The following PARP4 variants were observed in gnomAD, a reference collection of about 807,000 sequenced individuals.
PARP4 encodes protein mono-ADP-ribosyltransferase PARP4.
In PARP4, 120 loss-of-function variants were observed where a neutral mutation model predicts 187.7. That is an observed-to-expected ratio of 0.64 (90% CI 0.55 to 0.74). The LOEUF (loss-of-function observed/expected upper bound fraction) is 0.74. PARP4 is among the 30% of genes least tolerant of loss of function. The probability of loss-of-function intolerance (pLI) is 0.00; values close to 1 mark genes in which losing one functional copy is unlikely to be tolerated. For synonymous variants in PARP4, 654 were observed against 740.9 expected (o/e 0.88, Z 1.90); for missense variants, 1,836 against 2,070.5 (o/e 0.89, Z 2.20).
intron 15 of PARP4, 144 bp downstream of exon 15, chr13:24,475,328 C>T (rs1166096700): frequency 6.7e-6 from 5 of 751,304 alleles, no homozygotes; most frequent in Admixed American, 2.5e-5. Context: ...TAGTCCCTGG[C>T]ATGGAGTGCT....
chr13:24,425,569 G>GTGTGTATATCTATATC (rs1491353761), intron 33 of PARP4, among the ~76,000 whole-genome samples: 2 of 136,732 alleles, frequency 1.5e-5, no homozygotes, highest in Non-Finnish European at 3.1e-5. Flanking sequence ...GTGTGTGTGT[G>GTGTGTATATCTATATC]TATATCTATA....
intron 15 of PARP4, 40 bp from the exon 16 acceptor site, chr13:24,470,065 A>C: frequency 1.3e-6 from 2 of 1,564,752 alleles, no homozygotes; most frequent in Non-Finnish European, 8.7e-7. Context: ...ATGAGACCAC[A>C]TGGACTACAT....
At position 24,443,671 on chromosome 13, in the gene PARP4, G is replaced by A. The variant is rs200963545; in HGVS notation, c.3426C>T (p.His1142=). 2.5e-6 allele frequency: 4 copies of A among 1,611,268 alleles called. No homozygotes were observed. Among genetic ancestry groups the A allele is most frequent in the Non-Finnish European group, 3.4e-6 (4 of 1,177,494 alleles). The change falls in exon 28 of 34, where the codon CAC becomes CAT. Residue 1142 remains histidine (H), a synonymous_variant. Coordinates refer to ENST00000381989, the MANE Select transcript of PARP4 (RefSeq NM_006437.4). ...LIRDYEDGIL[H]ENETSHEMKK... ...AAACCTCATGACTGGTTTCATTTTC[G>A]TGAAGAATGCCATCTTCATAATCTC...
At chr13:24,463,825 G>T (rs1002469116) in intron 17 of PARP4, among the ~76,000 whole-genome samples, 1 of 152,208 alleles carries the variant, frequency 6.6e-6, no homozygotes, top group Middle Eastern at 3.4e-3. Context: ...AGAAATAAAG[G>T]TTATTTGAAT....
At chr13:24,457,921 G>C (rs575351290) in intron 20 of PARP4, among the ~76,000 whole-genome samples, 1 of 151,968 alleles carries the variant, frequency 6.6e-6, no homozygotes, top group East Asian at 1.9e-4. Context: ...ATACTGTTAT[G>C]AAATTTCAGA....
intron 3 of PARP4, among the ~76,000 whole-genome samples, chr13:24,501,030 G>C (rs1308618177): frequency 6.6e-6 from 1 of 152,122 alleles, no homozygotes; most frequent in Admixed American, 6.5e-5. Flanking sequence ...ACATGTGCTG[G>C]GACTGCAGCA....
At chr13:24,432,112 C>T (rs564019123) in intron 31 of PARP4, among the ~76,000 whole-genome samples, 4 of 152,252 alleles carry the variant, frequency 2.6e-5, no homozygotes, top group African/African-American at 4.8e-5. Flanking sequence ...TGTATTTTGA[C>T]ATACGCATGA....
chr13:24,468,491 G>GC (rs1167136683), intron 17 of PARP4, among the ~76,000 whole-genome samples: 3 of 140,572 alleles, frequency 2.1e-5, no homozygotes, highest in African/African-American at 8.1e-5. Context: ...TGCAACCTCT[G>GC]CCCCCCAGGT....
intron 32 of PARP4, among the ~76,000 whole-genome samples, chr13:24,429,144 T>C (rs1168665688): frequency 2.0e-5 from 3 of 152,240 alleles, no homozygotes; most frequent in Admixed American, 6.5e-5. Context: ...GCAGATACTA[T>C]ATTTTCCAGT....
chr13:24,482,272 T>C (rs1237015955), intron 12 of PARP4, among the ~76,000 whole-genome samples: 1 of 152,248 alleles, frequency 6.6e-6, no homozygotes, highest in Non-Finnish European at 1.5e-5. Context: ...GGTGAAGATG[T>C]TGTGAACACT....
At chr13:24,484,412 A>T (rs1270177671) in intron 12 of PARP4, among the ~76,000 whole-genome samples, 1 of 152,070 alleles carries the variant, frequency 6.6e-6, no homozygotes, top group Non-Finnish European at 1.5e-5. Context: ...GGCTCAAGTG[A>T]TCCTCCCACC....
rs369018761 is a variant in PARP4, at chr13:24,459,257, T to G, written c.2345+7A>C. On this transcript the variant is annotated splice_region_variant and intron_variant, in intron 19 of 33. Coordinates refer to ENST00000381989, the MANE Select transcript of PARP4 (RefSeq NM_006437.4). ...GAATTGACAGGTTTTATATTTTAGG[T>G]ACTAACCTTTGCTTTGTTCCTATTT... 8 of 1,588,284 alleles carry G rather than the reference T, an allele frequency of 5.0e-6. No homozygotes were observed. The highest frequency in any genetic ancestry group is 6.9e-6 in the Non-Finnish European group (8 of 1,164,446).
At chr13:24,426,262 C>G (rs1259406110) in intron 33 of PARP4, among the ~76,000 whole-genome samples, 7 of 152,092 alleles carry the variant, frequency 4.6e-5, no homozygotes, top group Non-Finnish European at 1.0e-4. Flanking sequence ...TCTTTGAGCC[C>G]ATTTCCTGTG....
intron 7 of PARP4, among the ~76,000 whole-genome samples, chr13:24,494,037 T>C (rs182135710): frequency 7.2e-5 from 11 of 152,298 alleles, no homozygotes; most frequent in African/African-American, 2.4e-4. Context: ...CCTTGACTCA[T>C]GGCCTAGGTT....
intron 15 of PARP4, among the ~76,000 whole-genome samples, chr13:24,472,648 C>A (rs1355235367): frequency 6.6e-6 from 1 of 152,148 alleles, no homozygotes; most frequent in Non-Finnish European, 1.5e-5. Flanking sequence ...ACTTTCCAAG[C>A]TCTACCACTG....
intron 10 of PARP4, among the ~76,000 whole-genome samples, chr13:24,487,988 A>G (rs1489071238): frequency 1.4e-4 from 21 of 152,282 alleles, no homozygotes; most frequent in African/African-American, 4.8e-4. Context: ...CATGAGTTTT[A>G]TAACTAGAAA....
intron 12 of PARP4, among the ~76,000 whole-genome samples, chr13:24,480,367 C>A (rs1181517582): frequency 1.3e-5 from 2 of 152,130 alleles, no homozygotes; most frequent in Non-Finnish European, 2.9e-5. Context: ...TTAATAATAA[C>A]CCTACAGCGG....
intron 5 of PARP4, among the ~76,000 whole-genome samples, 163 bp from the exon 6 acceptor site, chr13:24,498,392 G>A (rs746215509): frequency 3.9e-5 from 6 of 152,078 alleles, no homozygotes; most frequent in Admixed American, 1.3e-4. Context: ...CTAAAATCCC[G>A]AGAGCAATAC....
intron 30 of PARP4, among the ~76,000 whole-genome samples, chr13:24,440,209 C>A (rs1214880393): frequency 6.6e-6 from 1 of 151,844 alleles, no homozygotes; most frequent in East Asian, 1.9e-4. Context: ...ACTAGCCTGG[C>A]CAACATGGTG....
Sources: gnomAD v4.1 joint callset for allele counts (sites outside exome capture counted in the v4.1 genomes callset) on GRCh38, gnomAD v4.1.1 for gene constraint, MANE v1.5 for transcripts, NCBI Gene and HGNC (gene_info 2026-07-23, HGNC 2026-07-21) for gene names.